ERBB4: variants seen among roughly 807,000 people sequenced by gnomAD.
ERBB4 encodes the protein receptor tyrosine-protein kinase erbB-4.
In ERBB4, 42 loss-of-function variants were observed where a neutral mutation model predicts 158.0. That is an observed-to-expected ratio of 0.27 (90% confidence interval 0.21 to 0.34). The LOEUF (loss-of-function observed/expected upper bound fraction) is 0.34. Among genes scored for constraint, ERBB4 ranks in the 10% least tolerant of loss-of-function variants. The probability of loss-of-function intolerance (pLI) is 1.00; values close to 1 mark genes in which losing one functional copy is unlikely to be tolerated. For synonymous variants in ERBB4, 583 were observed against 558.7 expected, an observed-to-expected ratio of 1.04 and a Z score of -0.61; for missense variants, 1,333 against 1,624.1, an observed-to-expected ratio of 0.82 and a Z score of 3.08.
At chr2:212,174,733 T>C (rs889226301) in intron 1 of ERBB4, among the ~76,000 whole-genome samples, 1 of 152,098 alleles carries the variant, frequency 6.6e-6, no homozygotes, top group African/African-American at 2.4e-5. Flanking sequence ...ATGTCTATCA[T>C]GAGTACAACT....
chr2:212,358,238 A>G (rs946692377), intron 1 of ERBB4, among the ~76,000 whole-genome samples: 1 of 151,878 alleles, frequency 6.6e-6, no homozygotes, highest in African/African-American at 2.4e-5. Flanking sequence ...ATAATATCAG[A>G]TTAATATTTT....
intron 2 of ERBB4, among the ~76,000 whole-genome samples, chr2:211,978,978 A>G (rs915804730): frequency 7.9e-5 from 12 of 152,196 alleles, no homozygotes; most frequent in African/African-American, 2.4e-4. Context: ...ATATGGAAAA[A>G]GTGAAACAAA....
At chr2:212,177,416 C>A (rs945688322) in intron 1 of ERBB4, among the ~76,000 whole-genome samples, 1 of 151,828 alleles carries the variant, frequency 6.6e-6, no homozygotes, top group African/African-American at 2.4e-5. Flanking sequence ...ATCTGCCTAG[C>A]AAATTTAGTA....
intron 3 of ERBB4, among the ~76,000 whole-genome samples, chr2:211,806,574 T>C (rs546907574): frequency 3.3e-5 from 5 of 152,044 alleles, no homozygotes; most frequent in African/African-American, 1.2e-4. Flanking sequence ...AAGAGAAGTA[T>C]CACAATGCAA....
chr2:211,608,922 G>A (rs2069086056), intron 19 of ERBB4, among the ~76,000 whole-genome samples: 1 of 152,070 alleles, frequency 6.6e-6, no homozygotes. Flanking sequence ...CCCTCAATGT[G>A]GAATCACTTT....
intron 1 of ERBB4, among the ~76,000 whole-genome samples, chr2:212,213,746 G>GCC (rs1453223549): frequency 1.3e-5 from 2 of 151,752 alleles, no homozygotes; most frequent in African/African-American, 2.4e-5. Flanking sequence ...TAATCACCAG[G>GCC]CCCCAACTTG....
intron 2 of ERBB4, among the ~76,000 whole-genome samples, chr2:212,108,714 T>C (rs998465389): frequency 6.7e-6 from 1 of 149,986 alleles, no homozygotes; most frequent in African/African-American, 2.5e-5. Flanking sequence ...TGCTTTTTTT[T>C]TTTTTTTTTT....
chr2:212,069,688 A>G (rs1348681332), intron 2 of ERBB4, among the ~76,000 whole-genome samples: 1 of 152,124 alleles, frequency 6.6e-6, no homozygotes, highest in Non-Finnish European at 1.5e-5. Context: ...ACACAAAAAA[A>G]CTATTAGAAT....
intron 2 of ERBB4, among the ~76,000 whole-genome samples, chr2:212,103,038 C>A (rs879480263): frequency 2.0e-5 from 3 of 152,094 alleles, no homozygotes; most frequent in Admixed American, 1.3e-4. Flanking sequence ...CTCTGTCCAT[C>A]TCTCCATCAA....
intron 2 of ERBB4, among the ~76,000 whole-genome samples, chr2:212,011,098 AGCT>A (rs2125305726): frequency 6.6e-6 from 1 of 152,272 alleles, no homozygotes; most frequent in South Asian, 2.1e-4. Flanking sequence ...CAATTTGTAC[AGCT>A]AACACAATTA....
chr2:212,417,376 T>C (rs773087047), intron 1 of ERBB4, among the ~76,000 whole-genome samples: 21 of 152,120 alleles, frequency 1.4e-4, no homozygotes, highest in South Asian at 8.3e-4. Context: ...TAACTACACA[T>C]TGAGTATTCC....
chr2:211,440,054 TA>T (rs1388881993), intron 20 of ERBB4, among the ~76,000 whole-genome samples: 2 of 152,070 alleles, frequency 1.3e-5, no homozygotes, highest in Non-Finnish European at 2.9e-5. Context: ...AAAAAATAAA[TA>T]AATGAAATCA....
In ERBB4 at chr2:212,396,571, C is replaced by T. The variant is rs530295744; in HGVS notation, c.82+141878G>A. On this transcript the variant is annotated intron_variant, in intron 1 of 27. Coordinates refer to ENST00000342788, the MANE Select transcript of ERBB4 (RefSeq NM_005235.3). ...AATGCCCCAGATATAGTAAGAACCC[C>T]GAGATATTAGCTATTATTACCCTTA... is the stretch of plus-strand genomic sequence containing the variant. 1.6e-4 allele frequency among the ~76,000 whole-genome samples: 24 copies of T among 151,968 alleles called. No homozygotes were observed. In the South Asian group the frequency reaches 2.5e-3, roughly 16 times the overall value.
intron 20 of ERBB4, among the ~76,000 whole-genome samples, chr2:211,474,617 G>A (rs2064910886): frequency 6.6e-6 from 1 of 152,120 alleles, no homozygotes; most frequent in African/African-American, 2.4e-5. Flanking sequence ...GAAAGACAAT[G>A]TATTCAATTT....
At chr2:211,623,575 G>A (rs910839496) in intron 18 of ERBB4, among the ~76,000 whole-genome samples, 5 of 152,166 alleles carry the variant, frequency 3.3e-5, no homozygotes, top group Non-Finnish European at 7.4e-5. Context: ...GGTTCATGGA[G>A]CACTGTGTAG....
In ERBB4 at chr2:211,383,657, C is replaced by T. The variant is rs2125308120; in HGVS notation, c.3885G>A (p.Val1295=). ...LSEFSLKPGT[V]LPPPPYRHRN... ...GGTGTCTGTAAGGTGGAGGCGGCAG[C>T]ACAGTGCCTGGCTTCAGGGAGAACT... is the stretch of plus-strand genomic sequence containing the variant. Residue 1295 remains valine, a synonymous_variant, in exon 28 of 28, where the codon GTG becomes GTA. Transcript: ENST00000342788. The T allele has an allele frequency of 6.2e-7, 1 of 1,613,902 alleles. No homozygotes were observed. Among genetic ancestry groups the T allele is most frequent in the South Asian group, 1.1e-5 (1 of 91,064 alleles).
intron 1 of ERBB4, among the ~76,000 whole-genome samples, chr2:212,530,801 G>A (rs1692715435): frequency 6.6e-6 from 1 of 152,166 alleles, no homozygotes; most frequent in South Asian, 2.1e-4. Context: ...AAGGTCAGCA[G>A]AGCAGTAAAG....
intron 1 of ERBB4, among the ~76,000 whole-genome samples, chr2:212,208,650 G>A (rs1374301794): frequency 6.6e-6 from 1 of 152,114 alleles, no homozygotes; most frequent in African/African-American, 2.4e-5. Flanking sequence ...TAGAGGCAGT[G>A]GGAATTCAAA....
intron 19 of ERBB4, among the ~76,000 whole-genome samples, chr2:211,586,371 A>G (rs751460478): frequency 1.7e-4 from 26 of 152,192 alleles, no homozygotes; most frequent in Non-Finnish European, 3.5e-4. Flanking sequence ...ATAGATATAA[A>G]AAGAATTTAC....
Sources: gnomAD v4.1 joint callset for allele counts (sites outside exome capture counted in the v4.1 genomes callset) on GRCh38, gnomAD v4.1.1 for gene constraint, MANE v1.5 for transcripts, NCBI Gene and HGNC (gene_info 2026-07-23, HGNC 2026-07-21) for gene names.